Variants in NRIP1 observed in about 807,000 individuals in gnomAD.
NRIP1 encodes the protein nuclear receptor interacting protein 1, also known as nuclear receptor-interacting protein 1.
In NRIP1, 28 loss-of-function variants were observed where a neutral mutation model predicts 75.0. That is an observed-to-expected ratio of 0.37 (90% CI 0.28 to 0.51). The LOEUF (loss-of-function observed/expected upper bound fraction) is 0.51. Ranked by LOEUF, NRIP1 falls within the 20% of genes least tolerant of loss-of-function variation. NRIP1 has a pLI of 0.92. For synonymous variants in NRIP1, 526 were observed against 487.6 expected, an observed-to-expected ratio of 1.08 and a Z score of -1.04; for missense variants, 1,435 against 1,343.7, an observed-to-expected ratio of 1.07 and a Z score of -1.06.
At chr21:15,033,208 G>A (rs2088750688) in intron 2 of NRIP1, among the ~76,000 whole-genome samples, 1 of 136,652 alleles carries the variant, frequency 7.3e-6, no homozygotes, top group Non-Finnish European at 1.5e-5. Flanking sequence ...TTGGGCGACA[G>A]AGCGAGACTC....
At chr21:15,032,684 G>C (rs943037564) in intron 2 of NRIP1, among the ~76,000 whole-genome samples, 11 of 152,154 alleles carry the variant, frequency 7.2e-5, no homozygotes, top group African/African-American at 2.7e-4. Flanking sequence ...TTGTAAGGTT[G>C]ACTACAGAGG....
intron 1 of NRIP1, among the ~76,000 whole-genome samples, chr21:15,056,413 T>A (rs538466072): frequency 2.0e-5 from 3 of 152,152 alleles, no homozygotes; most frequent in South Asian, 2.1e-4. Context: ...ATAGCAAACA[T>A]CCAGATATTG....
intron 2 of NRIP1, among the ~76,000 whole-genome samples, chr21:15,028,272 T>G (rs1449892730): frequency 6.6e-6 from 1 of 152,140 alleles, no homozygotes; most frequent in East Asian, 1.9e-4. Flanking sequence ...AGAAAGGGAG[T>G]GAGAAGCCAT....
In NRIP1 at chr21:15,045,861, T is replaced by A. The variant is rs528682248; in HGVS notation, c.-537-2287A>T. On this transcript the variant is annotated intron_variant, in intron 1 of 3. Transcript: ENST00000318948. ...AATCAGGAGTAGATTCCATCTCTAGTAACTACTTTCTTTGCTCATCTATAA... is the reference window on the plus strand; with the variant it reads ...AATCAGGAGTAGATTCCATCTCTAGAAACTACTTTCTTTGCTCATCTATAA... 3.3e-5 allele frequency among the ~76,000 whole-genome samples: 5 copies of A among 152,364 alleles called. No homozygotes were observed. The South Asian group carries it at 1.0e-3, about 32-fold the overall frequency.
At chr21:15,004,809 T>C (rs1318654325) in intron 3 of NRIP1, among the ~76,000 whole-genome samples, 1 of 152,102 alleles carries the variant, frequency 6.6e-6, no homozygotes, top group African/African-American at 2.4e-5. Flanking sequence ...CAGGAGAAAA[T>C]TGCTTAACTA....
intron 2 of NRIP1, among the ~76,000 whole-genome samples, chr21:15,042,580 C>T (rs1192804302): frequency 6.6e-6 from 1 of 152,118 alleles, no homozygotes; most frequent in African/African-American, 2.4e-5. Context: ...GAGGGCAATG[C>T]CCTCATGAAC....
intron 2 of NRIP1, among the ~76,000 whole-genome samples, chr21:15,015,284 G>A (rs2088198891): frequency 1.3e-5 from 2 of 152,176 alleles, no homozygotes; most frequent in Admixed American, 1.3e-4. Context: ...GCCCAAGGGA[G>A]GGATTACAAA....
intron 1 of NRIP1, among the ~76,000 whole-genome samples, chr21:15,048,091 G>A (rs961159536): frequency 6.6e-5 from 10 of 152,120 alleles, no homozygotes; most frequent in African/African-American, 2.2e-4. Context: ...CAAGTTCGCC[G>A]GCTGATATGG....
chr21:15,064,751 C>A lies in NRIP1; in HGVS notation c.-544G>T, dbSNP rs1978719036. The A allele has an allele frequency of 6.7e-6, 1 of 149,312 alleles. No individual in the cohort carries two copies. Among genetic ancestry groups the A allele is most frequent in the South Asian group, 2.1e-4 (1 of 4,832 alleles). The allele number at this position is 149,312 out of a possible 1,614,324, so 9.2% of individuals were successfully genotyped here. On this transcript the variant is annotated 5_prime_UTR_variant, in exon 1 of 4. Transcript: ENST00000318948. ...GGCCGCGGCCGTCACTCACCCCAGG[C>A]CGCCGCGGCTCCCAGCCTCCGGCTC...
intron 3 of NRIP1, among the ~76,000 whole-genome samples, chr21:14,969,908 G>A (rs2086857978): frequency 6.6e-6 from 1 of 152,158 alleles, no homozygotes; most frequent in Non-Finnish European, 1.5e-5. Context: ...ACTTTCTTGA[G>A]ATTCCAATGC....
At chr21:15,044,697 T>C (rs1205524377) in intron 1 of NRIP1, among the ~76,000 whole-genome samples, 1 of 152,222 alleles carries the variant, frequency 6.6e-6, no homozygotes, top group Admixed American at 6.5e-5. Flanking sequence ...GTAGCTATTT[T>C]TCATTTTCAT....
intron 3 of NRIP1, among the ~76,000 whole-genome samples, chr21:14,990,345 A>C (rs947382390): frequency 2.7e-5 from 4 of 147,810 alleles, no homozygotes; most frequent in South Asian, 2.3e-4. Flanking sequence ...CATATTCCTT[A>C]TGCTGGGAAC....
intron 3 of NRIP1, among the ~76,000 whole-genome samples, chr21:15,013,581 C>T (rs1345862670): frequency 6.6e-6 from 1 of 152,160 alleles, no homozygotes; most frequent in East Asian, 1.9e-4. Flanking sequence ...ACCTAGTTCA[C>T]TTGGATTTCT....
chr21:14,976,179 G>A (rs2087061700), intron 3 of NRIP1, among the ~76,000 whole-genome samples: 1 of 152,032 alleles, frequency 6.6e-6, no homozygotes, highest in East Asian at 1.9e-4. Flanking sequence ...ATTTAAAATT[G>A]TTTATAAGCA....
chr21:14,962,491 T>C lies in NRIP1; in HGVS notation c.*2225A>G, dbSNP rs537451857. 1 of 152,328 alleles carries C rather than the reference T, an allele frequency of 6.6e-6. No individual in the cohort carries two copies. Among genetic ancestry groups the C allele is most frequent in the Non-Finnish European group, 1.5e-5 (1 of 67,896 alleles). The allele number at this position is 152,328 out of a possible 1,614,324, so 9.4% of individuals were successfully genotyped here. ...GTCTTTTCCCTGACCTAAATTTCACTCTCTTGTAAAAAGGTCATTTCCCCC... is the reference window on the plus strand; with the variant it reads ...GTCTTTTCCCTGACCTAAATTTCACCCTCTTGTAAAAAGGTCATTTCCCCC... On this transcript the variant is annotated 3_prime_UTR_variant, in exon 4 of 4. Coordinates refer to ENST00000318948, the MANE Select transcript of NRIP1 (RefSeq NM_003489.4).
chr21:14,968,733 A>G (rs2086828303), intron 3 of NRIP1, among the ~76,000 whole-genome samples: 1 of 152,216 alleles, frequency 6.6e-6, no homozygotes, highest in Non-Finnish European at 1.5e-5. Flanking sequence ...CCTGTGGGTT[A>G]ATGCATACTG....
intron 2 of NRIP1, among the ~76,000 whole-genome samples, chr21:15,031,117 A>ATG (rs2088670119): frequency 2.6e-5 from 3 of 116,328 alleles, no homozygotes; most frequent in East Asian, 2.6e-4. Context: ...TTCCCTTTCT[A>ATG]TGTGTATACA....
At chr21:15,008,870 T>C (rs1376705166) in intron 3 of NRIP1, among the ~76,000 whole-genome samples, 1 of 152,188 alleles carries the variant, frequency 6.6e-6, no homozygotes, top group African/African-American at 2.4e-5. Context: ...TTCATAAGTG[T>C]ACAGTAGAGT....
At chr21:15,005,907 A>T (rs2087960195) in intron 3 of NRIP1, among the ~76,000 whole-genome samples, 1 of 152,184 alleles carries the variant, frequency 6.6e-6, no homozygotes, top group Non-Finnish European at 1.5e-5. Flanking sequence ...TCTTGACTAT[A>T]TTTCAGTGTA....
Sources: allele counts gnomAD v4.1 joint callset (sites outside exome capture counted in the v4.1 genomes callset), GRCh38; gene constraint gnomAD v4.1.1; transcripts MANE v1.5; gene names NCBI Gene and HGNC (gene_info 2026-07-23, HGNC 2026-07-21).